The following ALPK3 variants were observed in gnomAD, a reference collection of about 807,000 sequenced individuals.
The protein encoded by ALPK3 is alpha kinase 3.
Under a neutral mutation model 140.0 loss-of-function variants are expected in ALPK3, and 102 were observed. The observed-to-expected ratio is 0.73, with a 90% CI of 0.62 to 0.86. The LOEUF (loss-of-function observed/expected upper bound fraction) is 0.86. Among genes scored for constraint, ALPK3 ranks in the 40% least tolerant of loss-of-function variants. The pLI, the probability that ALPK3 is intolerant of heterozygous loss-of-function variation, is 0.00. For missense variants in ALPK3, 2,254 were observed against 2,208.2 expected (o/e 1.02, Z -0.42); for synonymous variants, 938 against 898.5 (o/e 1.04, Z -0.79).
chr15:84,852,595 G>A, intron 5 of ALPK3: 2 of 296,720 alleles, frequency 6.7e-6, no homozygotes, highest in Non-Finnish European at 1.3e-5. Context: ...TCTTGGTTTT[G>A]CAGCCTCTTT....
At position 84,840,816 on chromosome 15, in the gene ALPK3, T is replaced by G; in HGVS notation, c.1537T>G (p.Leu513Val). 6.2e-7 allele frequency: 1 copy of G among 1,614,132 alleles called. No individual in the cohort carries two copies. Among genetic ancestry groups the G allele is most frequent in the Non-Finnish European group, 8.5e-7 (1 of 1,180,026 alleles). The change falls in exon 5 of 14, where the codon TTA (leucine) becomes GTA (valine). Residue 513 changes from leucine (L) to valine (V), a missense_variant. Physicochemically the swap from Leu to Val is conservative, Grantham distance 32 (BLOSUM62 1). Transcript: ENST00000258888. The stretch of plus-strand genomic sequence containing the variant: ...AGCTCCAGAATGCGGGGCCCAGAGC[T>G]TAGGAAAGGCCCCACCTCAGGCCTC... ...SQAPECGAQS[L>V]GKAPPQASVQ...
intron 1 of ALPK3, among the ~76,000 whole-genome samples, chr15:84,821,275 G>T (rs1963419872): frequency 6.6e-6 from 1 of 152,208 alleles, no homozygotes; most frequent in Non-Finnish European, 1.5e-5. Context: ...GAGGCCTAGA[G>T]AGGGCAGGGC....
chr15:84,823,501 G>C, intron 2 of ALPK3, 133 bp downstream of exon 2: 5 of 1,038,050 alleles, frequency 4.8e-6, no homozygotes, highest in Non-Finnish European at 7.3e-6. Flanking sequence ...TGGGTGGGGA[G>C]AGTGCAAGAA....
rs530558977 is a variant in ALPK3, at chr15:84,859,445, G to C, written c.3965+55G>C. 14 of 1,599,680 alleles carry C rather than the reference G, an allele frequency of 8.8e-6. No individual in the cohort carries two copies. The East Asian group carries it at 2.5e-4, about 28-fold the overall frequency. On this transcript the variant is annotated intron_variant, in intron 7 of 13. Coordinates refer to ENST00000258888, the MANE Select transcript of ALPK3 (RefSeq NM_020778.5). ...CTGGCTCCCTGATTGCAGTAATACCGTTGGGCACTGTCCTAGTGCTTTGAA... is the reference window on the plus strand; with the variant it reads ...CTGGCTCCCTGATTGCAGTAATACCCTTGGGCACTGTCCTAGTGCTTTGAA...
intron 12 of ALPK3, 124 bp from the exon 13 acceptor site, chr15:84,867,193 A>C: frequency 1.3e-6 from 1 of 788,188 alleles, no homozygotes; most frequent in Non-Finnish European, 2.0e-6. Context: ...GCTGGTTCTA[A>C]GCCCCCATGT....
intron 9 of ALPK3, among the ~76,000 whole-genome samples, chr15:84,862,387 G>C (rs1469623577): frequency 1.3e-5 from 2 of 151,994 alleles, no homozygotes; most frequent in Non-Finnish European, 2.9e-5. Flanking sequence ...TTTGTGGAAG[G>C]CAGGGGTTAT....
intron 2 of ALPK3, among the ~76,000 whole-genome samples, chr15:84,826,664 G>A (rs920333569): frequency 1.3e-5 from 2 of 152,204 alleles, no homozygotes; most frequent in Non-Finnish European, 2.9e-5. Context: ...TGATGCCCCT[G>A]AAATCTGGGA....
intron 12 of ALPK3, 23 bp downstream of exon 12, chr15:84,864,688 G>C: frequency 6.2e-7 from 1 of 1,605,610 alleles, no homozygotes; most frequent in Non-Finnish European, 8.5e-7. Flanking sequence ...GAGGGTGCAC[G>C]GGTACGCATG....
Position 84,863,563 on chromosome 15 carries a change from C to G in ALPK3, c.4422C>G (p.Ile1474Met), listed in dbSNP as rs777635629. Reference sequence around the variant, plus strand: ...TCCCTCATCCACAGGGGTGCAAGATCCAGAACATGAGTCGGGAGTACTGCA... The same window carrying G: ...TCCCTCATCCACAGGGGTGCAAGATGCAGAACATGAGTCGGGAGTACTGCA... ...NYDVTIQGCKIQNMSREYCKI... is the reference protein window; with the variant it reads ...NYDVTIQGCKMQNMSREYCKI... Residue 1474 changes from isoleucine to methionine, a missense_variant, in exon 11 of 14, where the codon ATC becomes ATG. By Grantham distance (10) the Ile-to-Met change is conservative. This residue lies in a region of ALPK3 where 2,088 missense variants were observed against 2,022.9 expected (regional missense o/e 1.03). Coordinates refer to ENST00000258888, the MANE Select transcript of ALPK3 (RefSeq NM_020778.5). The G allele has an allele frequency of 3.1e-6, 5 of 1,613,878 alleles. No homozygotes were observed. The highest frequency in any genetic ancestry group is 2.7e-5 in the African/African-American group (2 of 74,920).
rs372363532 is a variant in ALPK3, at chr15:84,858,874, C to G, written c.3817+319C>G. 3.9e-5 allele frequency among the ~76,000 whole-genome samples: 6 copies of G among 152,314 alleles called. No homozygotes were observed. In the South Asian group the frequency reaches 6.2e-4, roughly 16 times the overall value. Reference sequence around the variant, plus strand: ...TCTCCATCATCACCATTCAGTCCCCCTTTACAGAGATGTCGCATGATTACA... The same window carrying G: ...TCTCCATCATCACCATTCAGTCCCCGTTTACAGAGATGTCGCATGATTACA... On this transcript the variant is annotated intron_variant, in intron 6 of 13. Coordinates refer to ENST00000258888, the MANE Select transcript of ALPK3 (RefSeq NM_020778.5).
intron 5 of ALPK3, chr15:84,852,541 G>A (rs976888087): frequency 3.4e-5 from 10 of 293,672 alleles, no homozygotes; most frequent in Non-Finnish European, 4.7e-5. Context: ...GAGTGCCATG[G>A]CATCCTAGAG....
Position 84,862,784 on chromosome 15 carries a change from A to G in ALPK3, c.4279A>G (p.Lys1427Glu). The change falls in exon 10 of 14, where the codon AAG (lysine) becomes GAG (glutamate). Residue 1427 changes from lysine (K) to glutamate (E), a missense_variant. This residue lies in a region of ALPK3 where 2,088 missense variants were observed against 2,022.9 expected (regional missense o/e 1.03). Coordinates refer to ENST00000258888, the MANE Select transcript of ALPK3 (RefSeq NM_020778.5). ...GCGLRKASQA[K>E]VIYGLEPIFE... ...TGGCCTTCGGAAGGCCTCCCAGGCC[A>G]AGGTCATCTACGGGCTGGAACCCAT... is the stretch of plus-strand genomic sequence containing the variant. 6.2e-7 allele frequency: 1 copy of G among 1,614,140 alleles called. No homozygotes were observed. Among genetic ancestry groups the G allele is most frequent in the Non-Finnish European group, 8.5e-7 (1 of 1,180,010 alleles).
intron 3 of ALPK3, among the ~76,000 whole-genome samples, chr15:84,830,881 A>ATG (rs35473110): frequency 2.6e-5 from 4 of 151,006 alleles, no homozygotes; most frequent in Non-Finnish European, 5.9e-5. Flanking sequence ...GTGTGTGTGT[A>ATG]TGTGTGTGTG....
chr15:84,845,046 C>T (rs565704739), intron 5 of ALPK3, among the ~76,000 whole-genome samples: 1 of 152,234 alleles, frequency 6.6e-6, no homozygotes, highest in Non-Finnish European at 1.5e-5. Context: ...AATACACCTA[C>T]TTGACAACTT....
At position 84,857,274 on chromosome 15, in the gene ALPK3, G is replaced by A. The variant is rs202153052; in HGVS notation, c.2536G>A (p.Gly846Arg). The A allele has an allele frequency of 1.2e-5, 19 of 1,614,090 alleles. No homozygotes were observed. In the East Asian group the frequency reaches 3.6e-4, roughly 30 times the overall value. Reference sequence around the variant, plus strand: ...GTGCCCCAAGGAGGAGCGGCCAGGGGGAGTGCCGTGTATGGATCAGGGTGG... The same window carrying A: ...GTGCCCCAAGGAGGAGCGGCCAGGGAGAGTGCCGTGTATGGATCAGGGTGG... Reference protein sequence around the residue: ...FQCPKEERPGGVPCMDQGGCP... With the variant: ...FQCPKEERPGRVPCMDQGGCP... Residue 846 changes from glycine (G) to arginine (R), a missense_variant, in exon 6 of 14, where the codon GGA (glycine) becomes AGA (arginine). Physicochemically the swap from Gly to Arg is moderately radical, Grantham distance 125 (BLOSUM62 -2). Coordinates refer to ENST00000258888, the MANE Select transcript of ALPK3 (RefSeq NM_020778.5).
In ALPK3 at chr15:84,847,846, G is replaced by A. The variant is rs575805353; in HGVS notation, c.1653+6914G>A. ...GGCTGAGGCAGGTGGATCACCTGAG[G>A]TCATGAGTTCGAGACCAGCCTGACC... On this transcript the variant is annotated intron_variant, in intron 5 of 13. Coordinates refer to ENST00000258888, the MANE Select transcript of ALPK3 (RefSeq NM_020778.5). Among the ~76,000 whole-genome samples, 5 of 152,142 alleles carry A rather than the reference G, an allele frequency of 3.3e-5. No individual in the cohort carries two copies. In the East Asian group the frequency reaches 7.7e-4, roughly 24 times the overall value.
intron 11 of ALPK3, 103 bp downstream of exon 11, chr15:84,863,743 C>T: frequency 8.7e-7 from 1 of 1,152,030 alleles, no homozygotes; most frequent in Non-Finnish European, 1.2e-6. Context: ...TGCGTTATGC[C>T]CATGTGCAAA....
intron 1 of ALPK3, among the ~76,000 whole-genome samples, chr15:84,822,254 T>A (rs547719055): frequency 1.2e-4 from 18 of 152,084 alleles, no homozygotes; most frequent in African/African-American, 4.3e-4. Context: ...GGAGAAGAAG[T>A]AGTCCAAGAT....
Position 84,868,101 on chromosome 15 carries a change from C to G in ALPK3, c.4773-10C>G, listed in dbSNP as rs1964022015. Reference sequence around the variant, plus strand: ...GGGACCCCCACTCAGCTCTTCCTGTCTGGCTGCAGATACCAGGGCCTCAAG... The same window carrying G: ...GGGACCCCCACTCAGCTCTTCCTGTGTGGCTGCAGATACCAGGGCCTCAAG... On this transcript the variant is annotated splice_polypyrimidine_tract_variant and intron_variant, in intron 13 of 13. Transcript: ENST00000258888. 1.2e-6 allele frequency: 2 copies of G among 1,603,430 alleles called. No individual in the cohort carries two copies. Among genetic ancestry groups the G allele is most frequent in the Admixed American group, 1.7e-5 (1 of 59,278 alleles).
Sources: gnomAD v4.1 joint callset for allele counts (sites outside exome capture counted in the v4.1 genomes callset) on GRCh38, gnomAD v4.1.1 for gene constraint, gnomAD v4.1.1 regional missense constraint, MANE v1.5 for transcripts, NCBI Gene and HGNC (gene_info 2026-07-23, HGNC 2026-07-21) for gene names.